The following PTK7 variants were observed in gnomAD, a reference collection of about 807,000 sequenced individuals.
PTK7 encodes the protein protein tyrosine kinase 7 (inactive).
PTK7 carries 39 observed loss-of-function variants against 116.6 expected under a neutral mutation model. That is an observed-to-expected ratio of 0.33 (90% CI 0.26 to 0.44). PTK7 has a LOEUF of 0.44. PTK7 is among the 20% of genes least tolerant of loss of function. PTK7 has a pLI of 1.00. For missense variants in PTK7, 1,169 were observed against 1,425.6 expected (o/e 0.82, Z 2.90); for synonymous variants, 546 against 563.6 (o/e 0.97, Z 0.44).
intron 17 of PTK7, among the ~76,000 whole-genome samples, chr6:43,147,913 A>G (rs573004582): frequency 6.6e-6 from 1 of 152,224 alleles, no homozygotes; most frequent in Admixed American, 6.5e-5. Context: ...ACAAATTAGG[A>G]CACTCACAGA....
intron 1 of PTK7, among the ~76,000 whole-genome samples, chr6:43,101,898 A>G (rs1314822481): frequency 6.6e-6 from 1 of 152,188 alleles, no homozygotes; most frequent in Non-Finnish European, 1.5e-5. Flanking sequence ...ACTCATCAAC[A>G]TAAGACGTCA....
In PTK7 at chr6:43,142,057, T is replaced by G; in HGVS notation, c.1895T>G (p.Leu632Arg). The change falls in exon 12 of 20, where the codon CTG (leucine) becomes CGG (arginine). Residue 632 changes from leucine (L) to arginine (R), a missense_variant. Transcript: ENST00000230419. Reference sequence around the variant, plus strand: ...CAGTGGAAAGGCAAGGACCGCATCCTGGACCCCACCAAGCTGGGACCCAGG... The same window carrying G: ...CAGTGGAAAGGCAAGGACCGCATCCGGGACCCCACCAAGCTGGGACCCAGG... ...LIQWKGKDRI[L>R]DPTKLGPRMH... The G allele has an allele frequency of 6.2e-7, 1 of 1,613,836 alleles. No homozygotes were observed. The highest frequency in any genetic ancestry group is 1.3e-5 in the African/African-American group (1 of 75,004).
intron 7 of PTK7, chr6:43,133,226 GA>G (rs573378547): frequency 7.3e-5 from 12 of 164,836 alleles, no homozygotes; most frequent in Non-Finnish European, 1.6e-4. Flanking sequence ...TATTACTTAT[GA>G]AAAAAAAGAG....
chr6:43,116,629 TGTGTGTGTGTGTGTGTGTGTGTGC>T (rs1350709128), intron 1 of PTK7, among the ~76,000 whole-genome samples: 5 of 127,356 alleles, frequency 3.9e-5, no homozygotes, highest in African/African-American at 1.6e-4. Flanking sequence ...TGTGTGTGTG[TGTGTGTGTGTGTGTGTGTGTGTGC>T]GCGCGCACGC....
intron 13 of PTK7, chr6:43,142,527 G>A (rs1770484005): frequency 1.4e-6 from 1 of 699,002 alleles, no homozygotes; most frequent in East Asian, 2.9e-5. Flanking sequence ...GTGTTGTGGG[G>A]GAGTGGGGGG....
At chr6:43,146,842 C>T (rs1770758219) in intron 17 of PTK7, 144 bp downstream of exon 17, 3 of 707,470 alleles carry the variant, frequency 4.2e-6, no homozygotes, top group South Asian at 1.7e-5. Context: ...TCACGGTAGT[C>T]GTCTGAAATA....
intron 1 of PTK7, among the ~76,000 whole-genome samples, chr6:43,122,104 T>C (rs1768999050): frequency 6.6e-6 from 1 of 152,160 alleles, no homozygotes; most frequent in Non-Finnish European, 1.5e-5. Flanking sequence ...CTTGCATCAC[T>C]GCACTTCAGT....
At chr6:43,146,550 C>A in intron 16 of PTK7, 68 bp from the exon 17 acceptor site, 1 of 1,467,942 alleles carries the variant, frequency 6.8e-7, no homozygotes, top group Non-Finnish European at 9.5e-7. Context: ...CGAGCACCTG[C>A]TTGGTCTGAG....
chr6:43,152,631 A>G (rs914702374), intron 17 of PTK7, among the ~76,000 whole-genome samples: 4 of 152,250 alleles, frequency 2.6e-5, no homozygotes, highest in African/African-American at 9.6e-5. Context: ...GATGATGGGA[A>G]TGTTCCATTT....
intron 19 of PTK7, 134 bp from the exon 20 acceptor site, chr6:43,160,587 A>G: frequency 8.9e-7 from 1 of 1,119,256 alleles, no homozygotes; most frequent in Middle Eastern, 2.7e-4. Context: ...CGTTGCGGGT[A>G]CCCACCTGCC....
chr6:43,109,899 C>T (rs1205059246), intron 1 of PTK7, among the ~76,000 whole-genome samples: 8 of 151,772 alleles, frequency 5.3e-5, no homozygotes, highest in African/African-American at 1.7e-4. Context: ...GGGGTTTCAC[C>T]GTGTTAGTCA....
intron 1 of PTK7, among the ~76,000 whole-genome samples, chr6:43,098,784 T>C (rs1258310824): frequency 1.3e-5 from 2 of 152,200 alleles, no homozygotes; most frequent in Non-Finnish European, 2.9e-5. Context: ...AGCATTATAA[T>C]ATTAAAATGT....
Position 43,159,939 on chromosome 6 carries a change from G to A in PTK7, c.3025G>A (p.Gly1009Arg). Residue 1009 changes from glycine (G) to arginine (R), a missense_variant, in exon 19 of 20, where the codon GGG becomes AGG. By Grantham distance (125) the Gly-to-Arg change is moderately radical. Around this residue, in one of 3 missense-constraint regions of PTK7, gnomAD observed 678 missense variants for 853.8 expected, o/e 0.79. Transcript: ENST00000230419. ...VFTHGEMPHG[G>R]QADDEVLADL... ...TACACATGGAGAGATGCCCCATGGT[G>A]GGCAGGCAGATGATGAAGTACTGGC... 1 of 1,614,034 alleles carries A rather than the reference G, an allele frequency of 6.2e-7. No individual in the cohort carries two copies. Among genetic ancestry groups the A allele is most frequent in the East Asian group, 2.2e-5 (1 of 44,874 alleles).
chr6:43,144,915 A>C (rs971335731), intron 15 of PTK7: 80 of 418,272 alleles, frequency 1.9e-4, no homozygotes, highest in Non-Finnish European at 2.9e-5. Context: ...TGGGTTTGTC[A>C]TAGTTACGTT....
chr6:43,143,138 TTG>T lies in PTK7; in HGVS notation c.2048-276_2048-275del. ...GGGAAGCTTAACAAATAACGTGGGT[TTG>T]TGGTAGCTCCTTGACAGGTGTGCTT... On this transcript the variant is annotated intron_variant, in intron 13 of 19. Coordinates refer to ENST00000230419, the MANE Select transcript of PTK7 (RefSeq NM_002821.5). This position sits in a 1 kb window ranked among gnomAD's most constrained non-coding sequence, Gnocchi z 4.2. 1 of 372,662 alleles carries T rather than the reference TTG, an allele frequency of 2.7e-6. No homozygotes were observed. Among genetic ancestry groups the T allele is most frequent in the Non-Finnish European group, 4.9e-6 (1 of 204,780 alleles). 23.1% of individuals were successfully genotyped at this position (372,662 alleles called of 1,614,324 possible). A position where few individuals can be genotyped will look rare whatever the true frequency, so the allele number is the denominator to read the frequency against.
intron 17 of PTK7, among the ~76,000 whole-genome samples, chr6:43,156,491 C>G (rs922146964): frequency 6.6e-6 from 1 of 151,850 alleles, no homozygotes; most frequent in Admixed American, 6.6e-5. Flanking sequence ...CATTTTTGTC[C>G]CAGCTACACA....
Position 43,076,889 on chromosome 6 carries a change from G to A in PTK7, c.79+322G>A. 1 of 1,506,434 alleles carries A rather than the reference G, an allele frequency of 6.6e-7. No homozygotes were observed. The highest frequency in any genetic ancestry group is 8.9e-7 in the Non-Finnish European group (1 of 1,126,420). The allele number at this position is 1,506,434 out of a possible 1,614,324, so 93.3% of individuals were successfully genotyped here. A position where few individuals can be genotyped will look rare whatever the true frequency, so the allele number is the denominator to read the frequency against. On this transcript the variant is annotated intron_variant, in intron 1 of 19. Coordinates refer to ENST00000230419, the MANE Select transcript of PTK7 (RefSeq NM_002821.5). The surrounding 1 kb of genome is among the most constrained non-coding windows in gnomAD (Gnocchi z 5.7). ...TTGCTGGCTCTCGGGCCCAGATGGG[G>A]AGTTTCTTGTCGGGGGAGAAAAGAC...
chr6:43,156,769 G>A (rs557307937), intron 17 of PTK7, among the ~76,000 whole-genome samples: 12 of 152,002 alleles, frequency 7.9e-5, no homozygotes, highest in South Asian at 4.2e-4. Context: ...GGTAGTGCGC[G>A]CCTGTAATCC....
At position 43,141,858 on chromosome 6, in the gene PTK7, G is replaced by A. The variant is rs772497346; in HGVS notation, c.1768+41G>A. On this transcript the variant is annotated intron_variant, in intron 11 of 19. Coordinates refer to ENST00000230419, the MANE Select transcript of PTK7 (RefSeq NM_002821.5). This position sits in a 1 kb window ranked among gnomAD's most constrained non-coding sequence, Gnocchi z 4.9. Reference sequence around the variant, plus strand: ...GGCCCTGGGGCTGGGAGGGCCCTCTGGGGTAGCACCGTGTACCCTGCCAGC... The same window carrying A: ...GGCCCTGGGGCTGGGAGGGCCCTCTAGGGTAGCACCGTGTACCCTGCCAGC... The A allele has an allele frequency of 4.0e-5, 65 of 1,605,998 alleles. No individual in the cohort carries two copies. The highest frequency in any genetic ancestry group is 5.4e-5 in the Non-Finnish European group (64 of 1,175,430).
Sources: allele counts gnomAD v4.1 joint callset (sites outside exome capture counted in the v4.1 genomes callset), GRCh38; gene constraint gnomAD v4.1.1; regional missense constraint gnomAD v4.1.1; non-coding constraint Gnocchi (gnomAD v3.1); transcripts MANE v1.5; gene names NCBI Gene and HGNC (gene_info 2026-07-23, HGNC 2026-07-21).